Variants in PCDH15 observed in about 807,000 individuals in gnomAD.
PCDH15 encodes protocadherin-15.
A neutral mutation model predicts 178.5 loss-of-function variants in PCDH15; 129 were observed. The ratio of observed to expected loss-of-function variants is 0.72; its 90% CI spans 0.63 to 0.84. The LOEUF (loss-of-function observed/expected upper bound fraction) is 0.84. Among genes scored for constraint, PCDH15 ranks in the 40% least tolerant of loss-of-function variants. The pLI, the probability that PCDH15 is intolerant of heterozygous loss-of-function variation, is 0.00. For synonymous variants in PCDH15, 800 were observed against 732.0 expected (o/e 1.09, Z -1.50); for missense variants, 2,230 against 2,099.9 (o/e 1.06, Z -1.21).
intron 1 of PCDH15, among the ~76,000 whole-genome samples, chr10:55,171,016 T>G (rs915721832): frequency 1.1e-4 from 16 of 152,222 alleles, no homozygotes; most frequent in African/African-American, 3.6e-4. Context: ...TGCTGGTCCT[T>G]TCTCATTTCT....
chr10:54,541,595 A>G (rs1405508892), intron 2 of PCDH15, among the ~76,000 whole-genome samples: 1 of 152,146 alleles, frequency 6.6e-6, no homozygotes, highest in Non-Finnish European at 1.5e-5. Context: ...CTTTTCTGTT[A>G]TTAGCTTGTT....
intron 1 of PCDH15, among the ~76,000 whole-genome samples, chr10:55,255,373 T>C (rs1841965736): frequency 6.6e-6 from 1 of 152,240 alleles, no homozygotes; most frequent in Non-Finnish European, 1.5e-5. Flanking sequence ...TTGGGTTGGT[T>C]CCAAGTCTTT....
chr10:54,825,979 T>C (rs1009265349), intron 3 of PCDH15, among the ~76,000 whole-genome samples: 1 of 152,150 alleles, frequency 6.6e-6, no homozygotes, highest in Non-Finnish European at 1.5e-5. Flanking sequence ...AAGTCCATTA[T>C]GCCATTAATT....
At chr10:55,135,990 G>A (rs975988280) in intron 2 of PCDH15, among the ~76,000 whole-genome samples, 1 of 152,006 alleles carries the variant, frequency 6.6e-6, no homozygotes, top group Non-Finnish European at 1.5e-5. Context: ...TTTTCATAGT[G>A]TGACCACACA....
intron 8 of PCDH15, among the ~76,000 whole-genome samples, chr10:54,238,104 A>T (rs2054818225): frequency 6.6e-6 from 1 of 152,100 alleles, no homozygotes; most frequent in African/African-American, 2.4e-5. Context: ...GGGAAATTCC[A>T]TTACATATTT....
chr10:54,203,790 C>A (rs2050498730), intron 10 of PCDH15, among the ~76,000 whole-genome samples: 1 of 152,076 alleles, frequency 6.6e-6, no homozygotes, highest in African/African-American at 2.4e-5. Flanking sequence ...GCATATTGAT[C>A]TTTATATGAG....
At chr10:54,384,339 A>G (rs916813202) in intron 3 of PCDH15, among the ~76,000 whole-genome samples, 2 of 142,458 alleles carry the variant, frequency 1.4e-5, no homozygotes, top group Admixed American at 7.1e-5. Flanking sequence ...TTTTTTTTTT[A>G]ACTAAAACTT....
At chr10:55,324,176 T>A (rs1412433918), upstream of PCDH15, among the ~76,000 whole-genome samples, 2 of 152,160 alleles carry the variant, frequency 1.3e-5, no homozygotes, top group African/African-American at 2.4e-5. Flanking sequence ...TCCATTAAAT[T>A]TATTTCCTTT....
At position 55,005,285 on chromosome 10, in the gene PCDH15, C is replaced by T. The variant is rs371897758; in HGVS notation, c.-79-107785G>A. ...ATCTTGTACTCCAAATTGTCCATTA[C>T]TATGTGGCCACCACCCTCCAATTCA... On this transcript the variant is annotated intron_variant, in intron 2 of 5. Coordinates refer to the PCDH15 transcript ENST00000458638. Among the ~76,000 whole-genome samples the T allele has an allele frequency of 4.0e-5, 6 of 150,694 alleles. No individual in the cohort carries two copies. The East Asian group carries it at 7.8e-4, about 19-fold the overall frequency.
intron 32 of PCDH15, chr10:53,825,171 CAT>C (rs760221385): frequency 7.9e-6 from 12 of 1,522,298 alleles, no homozygotes; most frequent in South Asian, 1.3e-5. Flanking sequence ...AAACAGAAAA[CAT>C]GTGATAGAAA....
At chr10:55,250,481 G>GT (rs951107016) in intron 1 of PCDH15, among the ~76,000 whole-genome samples, 1 of 116,734 alleles carries the variant, frequency 8.6e-6, no homozygotes, top group Admixed American at 9.2e-5. Context: ...TCAGACCCTT[G>GT]TAAAAAAAAA....
chr10:55,350,254 TATATATATATATATACACAC>T (rs1369135060), intron 2 of PCDH15, among the ~76,000 whole-genome samples: 17 of 66,086 alleles, frequency 2.6e-4, no homozygotes, highest in African/African-American at 1.0e-3. Flanking sequence ...TATATATATA[TATATATATATATATACACAC>T]ACACACACAC....
chr10:53,903,768 T>C (rs1384234892), intron 25 of PCDH15, among the ~76,000 whole-genome samples: 3 of 152,188 alleles, frequency 2.0e-5, no homozygotes, highest in Non-Finnish European at 2.9e-5. Context: ...TAAACTATTA[T>C]ATGAATATAT....
intron 2 of PCDH15, among the ~76,000 whole-genome samples, chr10:55,139,002 T>G (rs4581349): frequency 1.3e-5 from 2 of 151,998 alleles, no homozygotes; most frequent in African/African-American, 4.8e-5. Flanking sequence ...ACTTTGTATA[T>G]TCATTTAGCC....
chr10:55,263,723 ATTTAT>A (rs752711598), intron 1 of PCDH15, among the ~76,000 whole-genome samples: 1 of 134,344 alleles, frequency 7.4e-6, no homozygotes, highest in African/African-American at 2.5e-5. Context: ...GTATTTTTTA[ATTTAT>A]TTTATTTTAT....
chr10:54,359,199 A>C (rs555158965), intron 5 of PCDH15, among the ~76,000 whole-genome samples: 1 of 152,138 alleles, frequency 6.6e-6, no homozygotes, highest in African/African-American at 2.4e-5. Flanking sequence ...AAAAATGAAT[A>C]AATTTGGTTC....
At chr10:53,877,804 C>G (rs551584716) in intron 26 of PCDH15, among the ~76,000 whole-genome samples, 38 of 152,212 alleles carry the variant, frequency 2.5e-4, no homozygotes, top group African/African-American at 7.9e-4. Flanking sequence ...AGTCCATCAG[C>G]AAGCATTCTG....
chr10:54,119,320 CA>C (rs532875605), intron 15 of PCDH15, among the ~76,000 whole-genome samples: 267 of 151,884 alleles, frequency 1.8e-3, no homozygotes, highest in Non-Finnish European at 2.8e-3. Flanking sequence ...CTTCTGGAAT[CA>C]AAAAAACTCT....
intron 1 of PCDH15, among the ~76,000 whole-genome samples, chr10:55,311,118 G>T (rs1843576239): frequency 6.6e-6 from 1 of 152,208 alleles, no homozygotes; most frequent in Non-Finnish European, 1.5e-5. Flanking sequence ...GACTTCCAGA[G>T]AAGGTGGCTT....
Sources: allele counts gnomAD v4.1 joint callset (sites outside exome capture counted in the v4.1 genomes callset), GRCh38; gene constraint gnomAD v4.1.1; transcripts MANE v1.5; gene names NCBI Gene and HGNC (gene_info 2026-07-23, HGNC 2026-07-21).